Variants in HADHB observed in about 807,000 individuals in gnomAD.
HADHB encodes hydroxyacyl-CoA dehydrogenase trifunctional multienzyme complex subunit beta.
In HADHB, 50 loss-of-function variants were observed where a neutral mutation model predicts 61.9. The observed-to-expected ratio is 0.81, with a 90% CI of 0.64 to 1.02. The LOEUF (loss-of-function observed/expected upper bound fraction) is 1.02, where lower values mean the gene tolerates loss of function less well. Ranked by LOEUF, HADHB falls within the 50% of genes least tolerant of loss-of-function variation. The pLI, the probability that HADHB is intolerant of heterozygous loss-of-function variation, is 0.00. For missense variants in HADHB, 504 were observed against 586.5 expected (o/e 0.86, Z 1.45); for synonymous variants, 191 against 201.6 (o/e 0.95, Z 0.45).
intron 14 of HADHB, 98 bp downstream of exon 14, chr2:26,285,055 T>C (rs1255632036): frequency 2.7e-6 from 2 of 748,302 alleles, no homozygotes; most frequent in Non-Finnish European, 4.8e-6. Flanking sequence ...AAAGCTTCTC[T>C]TTCTTTTGAA....
At chr2:26,282,957 T>C in intron 11 of HADHB, 33 bp downstream of exon 11, 3 of 1,601,346 alleles carry the variant, frequency 1.9e-6, no homozygotes, top group Admixed American at 3.3e-5. Flanking sequence ...TCATCTCTGA[T>C]TTCTTTATTT....
intron 14 of HADHB, among the ~76,000 whole-genome samples, 153 bp downstream of exon 14, chr2:26,285,110 T>G (rs1339337877): frequency 2.0e-5 from 3 of 152,178 alleles, no homozygotes; most frequent in African/African-American, 7.2e-5. Context: ...AGTGTAAAAG[T>G]AGAAATTCTT....
chr2:26,266,654 C>T (rs927071969), intron 4 of HADHB, among the ~76,000 whole-genome samples: 6 of 151,156 alleles, frequency 4.0e-5, no homozygotes, highest in Admixed American at 6.6e-5. Context: ...CTGAGGCGGG[C>T]GGATCACCTG....
chr2:26,264,640 TG>T (rs1672000787), intron 4 of HADHB, among the ~76,000 whole-genome samples: 1 of 151,852 alleles, frequency 6.6e-6, no homozygotes, highest in African/African-American at 2.4e-5. Flanking sequence ...TGTGTGTATG[TG>T]TGTATACACA....
chr2:26,258,062 C>T (rs958748495), intron 3 of HADHB, among the ~76,000 whole-genome samples: 1 of 152,024 alleles, frequency 6.6e-6, no homozygotes, highest in African/African-American at 2.4e-5. Context: ...AACTCTAGGT[C>T]TAGTGTGCCT....
chr2:26,268,139 C>T (rs1672175217), intron 4 of HADHB, among the ~76,000 whole-genome samples: 1 of 151,870 alleles, frequency 6.6e-6, no homozygotes, highest in Non-Finnish European at 1.5e-5. Context: ...GAGACCCTAT[C>T]TCAAAAAATA....
At chr2:26,278,510 A>C in intron 7 of HADHB, 104 bp from the exon 8 acceptor site, 1 of 986,364 alleles carries the variant, frequency 1.0e-6, no homozygotes, top group East Asian at 2.4e-5. Flanking sequence ...GATGTTGTAC[A>C]AAGCTGATAA....
rs771685439 is a variant in HADHB at position 26,279,992 on chromosome 2, A to G, written c.812-2A>G. On this transcript the variant is annotated splice_acceptor_variant, in intron 9 of 15. Transcript: ENST00000317799. LOFTEE classifies it high-confidence loss of function. ...AGTTAAAAAAATTCATTTTTTTAAT[A>G]GGAAAAGATACAGTTACCAAAGATA... is the stretch of plus-strand genomic sequence containing the variant. 1.2e-6 allele frequency: 2 copies of G among 1,606,346 alleles called. No individual in the cohort carries two copies. The highest frequency in any genetic ancestry group is 1.7e-6 in the Non-Finnish European group (2 of 1,174,722).
chr2:26,285,739 G>GTTTTTTT lies in HADHB; in HGVS notation c.1389+180_1389+186dup, dbSNP rs766742523. Among the ~76,000 whole-genome samples, 477 of 65,068 alleles carry GTTTTTTT rather than the reference G, an allele frequency of 7.3e-3. 136 individuals carry two copies. The highest frequency in any genetic ancestry group is 0.011 in the Non-Finnish European group (375 of 34,924). 42.7% of individuals were successfully genotyped at this position (65,068 alleles called of 152,430 possible). On this transcript the variant is annotated intron_variant, in intron 15 of 15. Transcript: ENST00000317799. ...TCTGATAAAACTTTTTGTTTTTTGG[G>GTTTTTTT]TTTTTTTTTTTTTTTTTTGAGACAG... is the stretch of plus-strand genomic sequence containing the variant.
chr2:26,248,033 G>C (rs896575349), intron 1 of HADHB, among the ~76,000 whole-genome samples: 2 of 152,154 alleles, frequency 1.3e-5, no homozygotes, highest in Non-Finnish European at 2.9e-5. Context: ...TAGACTCATA[G>C]CTTCAGGGAC....
intron 4 of HADHB, among the ~76,000 whole-genome samples, chr2:26,269,111 T>G (rs1399512938): frequency 6.6e-6 from 1 of 150,994 alleles, no homozygotes; most frequent in Non-Finnish European, 1.5e-5. Context: ...ATTGCGCCAT[T>G]GCACTTCAGC....
rs58410284 is a variant in HADHB, at chr2:26,265,597, AAAC to A, written c.209+2142_209+2144del. Among the ~76,000 whole-genome samples the A allele has an allele frequency of 6.6e-3, 997 of 151,722 alleles. 7 individuals carry two copies. The highest frequency in any genetic ancestry group is 0.022 in the African/African-American group (895 of 41,410). ...GGTGACAGAGCAAAACTCCATCTCA[AAAC>A]AACAACAACAACAACAACAACAAAA... On this transcript the variant is annotated intron_variant, in intron 4 of 15. Transcript: ENST00000317799.
intron 4 of HADHB, among the ~76,000 whole-genome samples, chr2:26,266,801 G>A (rs947743832): frequency 2.2e-5 from 3 of 137,824 alleles, no homozygotes; most frequent in African/African-American, 5.4e-5. Context: ...ACTATCTTGA[G>A]CCCAGGAAGC....
chr2:26,287,668 C>G (rs962814547), intron 15 of HADHB, among the ~76,000 whole-genome samples: 3 of 152,170 alleles, frequency 2.0e-5, no homozygotes, highest in Non-Finnish European at 4.4e-5. Context: ...ATTGTTTGAT[C>G]AAGAGCCACG....
At chr2:26,245,988 A>C (rs1486067921) in intron 1 of HADHB, among the ~76,000 whole-genome samples, 3 of 152,190 alleles carry the variant, frequency 2.0e-5, no homozygotes, top group African/African-American at 7.2e-5. Flanking sequence ...AGGGGCATCG[A>C]AGTTAAGACT....
chr2:26,270,574 C>T (rs769067297), intron 5 of HADHB, among the ~76,000 whole-genome samples: 15 of 151,688 alleles, frequency 9.9e-5, no homozygotes, highest in Admixed American at 2.0e-4. Flanking sequence ...TTTTTTCTTC[C>T]TGCAATACCT....
At chr2:26,250,038 G>T (rs958991680) in intron 1 of HADHB, among the ~76,000 whole-genome samples, 2 of 151,958 alleles carry the variant, frequency 1.3e-5, no homozygotes, top group East Asian at 3.9e-4. Context: ...ATGGAGTCTC[G>T]CTCTGTCGCC....
At chr2:26,277,040 T>C (rs753837341) in intron 6 of HADHB, 33 bp from the exon 7 acceptor site, 23 of 1,032,400 alleles carry the variant, frequency 2.2e-5, no homozygotes, top group Non-Finnish European at 3.5e-5. Flanking sequence ...CCTTCCCTTA[T>C]AGTGATCATT....
chr2:26,254,275 C>A lies in HADHB; in HGVS notation c.21C>A (p.Pro7=). ...CCAGAATGACTATCTTGACTTACCC[C>A]TTTAAAAATCTTCCCACTGCATCAA... is the stretch of plus-strand genomic sequence containing the variant. MTILTY[P]FKNLPTASKW... is the part of the protein sequence containing the mutation. The change falls in exon 2 of 16, where the codon CCC becomes CCA. Residue 7 remains proline (P), a synonymous_variant. Transcript: ENST00000317799. 1 of 1,504,652 alleles carries A rather than the reference C, an allele frequency of 6.6e-7. No homozygotes were observed. Among genetic ancestry groups the A allele is most frequent in the Non-Finnish European group, 9.3e-7 (1 of 1,080,472 alleles). 93.2% of individuals were successfully genotyped at this position (1,504,652 alleles called of 1,614,324 possible). A position where few individuals can be genotyped will look rare whatever the true frequency, so the allele number is the denominator to read the frequency against.
Sources: allele counts gnomAD v4.1 joint callset (sites outside exome capture counted in the v4.1 genomes callset), GRCh38; gene constraint gnomAD v4.1.1; transcripts MANE v1.5; gene names NCBI Gene and HGNC (gene_info 2026-07-23, HGNC 2026-07-21).